NFIA: variants seen among roughly 807,000 people sequenced by gnomAD.
NFIA encodes the protein nuclear factor I A, also known as nuclear factor 1 A-type.
NFIA carries 8 observed loss-of-function variants against 62.8 expected under a neutral mutation model. That is an observed-to-expected ratio of 0.13 (90% CI 0.07 to 0.23). The LOEUF is 0.23. Ranked by LOEUF, NFIA falls within the 10% of genes least tolerant of loss-of-function variation. NFIA has a pLI of 1.00. For missense variants in NFIA, 410 were observed against 642.1 expected, an observed-to-expected ratio of 0.64 and a Z score of 3.91; for synonymous variants, 235 against 238.1, an observed-to-expected ratio of 0.99 and a Z score of 0.12.
At chr1:61,454,819 A>T (rs914350543) in intron 10 of NFIA, among the ~76,000 whole-genome samples, 2 of 152,150 alleles carry the variant, frequency 1.3e-5, no homozygotes, top group Non-Finnish European at 2.9e-5. Flanking sequence ...CCTGCACCTC[A>T]TTTGAAAGGA....
At chr1:61,421,277 C>G (rs994418286) in intron 9 of NFIA, among the ~76,000 whole-genome samples, 1 of 152,218 alleles carries the variant, frequency 6.6e-6, no homozygotes, top group African/African-American at 2.4e-5. Flanking sequence ...GCGTGTCTCA[C>G]TCGCCTTTGC....
intron 10 of NFIA, among the ~76,000 whole-genome samples, chr1:61,435,175 G>T (rs948005507): frequency 6.6e-6 from 1 of 152,166 alleles, no homozygotes; most frequent in Non-Finnish European, 1.5e-5. Flanking sequence ...GGGAACAGGA[G>T]GAAAAGTCAT....
chr1:61,332,661 G>C (rs1249410693), intron 4 of NFIA, 75 bp downstream of exon 4: 1 of 1,268,248 alleles, frequency 7.9e-7, no homozygotes, highest in African/African-American at 1.5e-5. Flanking sequence ...GACTCCTAGA[G>C]ACCAAAAAAA....
At chr1:61,080,606 C>T (rs891104607), upstream of NFIA, among the ~76,000 whole-genome samples, 21 of 152,294 alleles carry the variant, frequency 1.4e-4, no homozygotes, top group Admixed American at 3.3e-4. Flanking sequence ...TGTAACACAG[C>T]TTGGCTTTTA....
intron 2 of NFIA, among the ~76,000 whole-genome samples, chr1:61,175,361 C>T (rs117761754): frequency 6.6e-6 from 1 of 152,226 alleles, no homozygotes; most frequent in East Asian, 1.9e-4. Flanking sequence ...AGGCTGAGCT[C>T]AAACTCCTGG....
At chr1:61,126,139 C>A (rs949646150) in intron 2 of NFIA, among the ~76,000 whole-genome samples, 1 of 152,164 alleles carries the variant, frequency 6.6e-6, no homozygotes, top group Non-Finnish European at 1.5e-5. Context: ...TGAGGCAAAT[C>A]TGAAATTAGA....
Position 61,422,134 on chromosome 1 carries a change from G to A in NFIA, c.1421-4331G>A, listed in dbSNP as rs139209442. On this transcript the variant is annotated intron_variant, in intron 9 of 10. Coordinates refer to ENST00000403491, the MANE Select transcript of NFIA (RefSeq NM_001134673.4). ...AAAAATTAGAAGGGCATGATGGCAC[G>A]TGTCTGTAGTCCCAGCTACTCAGGA... 4.3e-3 allele frequency among the ~76,000 whole-genome samples: 659 copies of A among 152,090 alleles called. 2 individuals carry two copies. The highest frequency in any genetic ancestry group is 0.015 in the African/African-American group (630 of 41,476).
chr1:61,147,895 G>A (rs568417570), intron 2 of NFIA, among the ~76,000 whole-genome samples: 3 of 152,262 alleles, frequency 2.0e-5, no homozygotes, highest in Non-Finnish European at 2.9e-5. Context: ...TAATATTGAC[G>A]AGTGGGCAGA....
chr1:61,392,284 A>G (rs1665020119), intron 7 of NFIA, among the ~76,000 whole-genome samples: 1 of 151,984 alleles, frequency 6.6e-6, no homozygotes, highest in South Asian at 2.1e-4. Context: ...TTAGCCAGAT[A>G]CTTAGAACCA....
At chr1:61,441,801 G>A (rs1667595550) in intron 10 of NFIA, among the ~76,000 whole-genome samples, 2 of 152,076 alleles carry the variant, frequency 1.3e-5, no homozygotes, top group African/African-American at 4.8e-5. Flanking sequence ...TTTAGCTAGG[G>A]CCATGCTGTA....
chr1:61,239,282 A>G (rs1381230260), intron 2 of NFIA, among the ~76,000 whole-genome samples: 1 of 152,192 alleles, frequency 6.6e-6, no homozygotes, highest in Non-Finnish European at 1.5e-5. Flanking sequence ...TTTAATGCAG[A>G]TTTTGGTTTC....
chr1:61,082,692 CT>C lies in NFIA; in HGVS notation c.-99del. Reference sequence around the variant, plus strand: ...CCCCCTTCTCTCTCTCTCTCTCTCTCTCTCTTCCTCTCTCCCTCTTTCTCCT... The same window carrying C: ...CCCCCTTCTCTCTCTCTCTCTCTCTCCTCTTCCTCTCTCCCTCTTTCTCCT... On this transcript the variant is annotated 5_prime_UTR_variant, in exon 1 of 11. Transcript: ENST00000403491. 6.5e-7 allele frequency: 1 copy of C among 1,542,314 alleles called. No homozygotes were observed.
At chr1:61,416,163 T>C (rs963642761) in intron 9 of NFIA, among the ~76,000 whole-genome samples, 36 of 152,158 alleles carry the variant, frequency 2.4e-4, no homozygotes, top group African/African-American at 7.2e-4. Flanking sequence ...AGGGGCAAGG[T>C]TGTTGGCAGA....
intron 2 of NFIA, among the ~76,000 whole-genome samples, chr1:61,187,096 C>T (rs1490625999): frequency 6.6e-6 from 1 of 152,126 alleles, no homozygotes; most frequent in Non-Finnish European, 1.5e-5. Context: ...AAAGTATGCA[C>T]CTACCTTATA....
At chr1:61,368,031 C>G (rs959832969) in intron 6 of NFIA, among the ~76,000 whole-genome samples, 1 of 152,224 alleles carries the variant, frequency 6.6e-6, no homozygotes, top group Non-Finnish European at 1.5e-5. Context: ...AACGAATGAG[C>G]GTTGCTCCGC....
chr1:61,371,191 T>C (rs776410204), intron 6 of NFIA, among the ~76,000 whole-genome samples: 1 of 152,146 alleles, frequency 6.6e-6, no homozygotes, highest in Non-Finnish European at 1.5e-5. Context: ...TAAGCAACAC[T>C]TCATGTTCGA....
intron 10 of NFIA, among the ~76,000 whole-genome samples, chr1:61,432,342 G>A (rs1465044199): frequency 4.0e-5 from 6 of 151,670 alleles, no homozygotes; most frequent in African/African-American, 1.5e-4. Context: ...GCTGCACAAG[G>A]CTCAGCCAGA....
intron 2 of NFIA, among the ~76,000 whole-genome samples, chr1:61,268,922 G>C (rs988931577): frequency 6.6e-6 from 1 of 151,896 alleles, no homozygotes; most frequent in Non-Finnish European, 1.5e-5. Context: ...CAGACTCTCC[G>C]CACACTTCTC....
intron 2 of NFIA, among the ~76,000 whole-genome samples, chr1:61,098,583 C>T (rs897625839): frequency 5.9e-5 from 9 of 152,184 alleles, no homozygotes; most frequent in Non-Finnish European, 1.0e-4. Flanking sequence ...TATTGTTGTG[C>T]ATTCCTGTCA....
Sources: gnomAD v4.1 joint callset for allele counts (sites outside exome capture counted in the v4.1 genomes callset) on GRCh38, gnomAD v4.1.1 for gene constraint, MANE v1.5 for transcripts, NCBI Gene and HGNC (gene_info 2026-07-23, HGNC 2026-07-21) for gene names.